The following CAPN2 variants were observed in gnomAD, a reference collection of about 807,000 sequenced individuals.
CAPN2 encodes calpain-2 catalytic subunit.
A neutral mutation model predicts 102.3 loss-of-function variants in CAPN2; 92 were observed. That is an observed-to-expected ratio of 0.90 (90% CI 0.76 to 1.07). The LOEUF (loss-of-function observed/expected upper bound fraction) is 1.07. CAPN2 is among the 50% of genes least tolerant of loss of function. The pLI is 0.00. For synonymous variants in CAPN2, 340 were observed against 355.4 expected, an observed-to-expected ratio of 0.96 and a Z score of 0.49; for missense variants, 800 against 909.4, an observed-to-expected ratio of 0.88 and a Z score of 1.55.
chr1:223,749,437 C>T (rs1660832481), intron 6 of CAPN2: 6 of 478,970 alleles, frequency 1.3e-5, no homozygotes, highest in Non-Finnish European at 2.2e-5. Context: ...AACAATGCAT[C>T]TTCATAGTGT....
At chr1:223,735,263 C>G (rs780484625) in intron 2 of CAPN2, among the ~76,000 whole-genome samples, 5 of 152,188 alleles carry the variant, frequency 3.3e-5, no homozygotes, top group Non-Finnish European at 7.4e-5. Context: ...CGCAGTGGCT[C>G]ATGCATGTAA....
chr1:223,712,053 G>A (rs1045700406), upstream of CAPN2, among the ~76,000 whole-genome samples: 2 of 152,226 alleles, frequency 1.3e-5, no homozygotes, highest in African/African-American at 4.8e-5. Flanking sequence ...GCGTCTCCGA[G>A]GCTCAGTTTT....
chr1:223,730,108 A>G (rs774958228), intron 2 of CAPN2, among the ~76,000 whole-genome samples: 1 of 148,860 alleles, frequency 6.7e-6, no homozygotes, highest in Non-Finnish European at 1.5e-5. Context: ...GGTTTTTATT[A>G]TGTAGATGAA....
intron 2 of CAPN2, among the ~76,000 whole-genome samples, chr1:223,721,723 A>G (rs1296195694): frequency 6.6e-6 from 1 of 152,216 alleles, no homozygotes; most frequent in African/African-American, 2.4e-5. Context: ...CCAATGGGAA[A>G]GGCAAGCCAG....
chr1:223,703,317 T>G (rs886432672), intron 1 of CAPN2, among the ~76,000 whole-genome samples: 8 of 152,134 alleles, frequency 5.3e-5, no homozygotes, highest in Non-Finnish European at 1.0e-4. Context: ...CATTTGATTT[T>G]TTTTTTTTTT....
Position 223,774,938 on chromosome 1 carries a change from T to G in CAPN2, c.*81T>G. ...AGCTTCCATAGAAATACACTTTGTA[T>G]CTGGACCTCAAAATTATGGGAACAT... On this transcript the variant is annotated 3_prime_UTR_variant, in exon 21 of 21. Coordinates refer to ENST00000295006, the MANE Select transcript of CAPN2 (RefSeq NM_001748.5). 2.6e-6 allele frequency: 3 copies of G among 1,168,202 alleles called. No individual in the cohort carries two copies. The highest frequency in any genetic ancestry group is 2.5e-6 in the Non-Finnish European group (2 of 790,256). The allele number at this position is 1,168,202 out of a possible 1,614,324, so 72.4% of individuals were successfully genotyped here. A position where few individuals can be genotyped will look rare whatever the true frequency, so the allele number is the denominator to read the frequency against.
chr1:223,769,347 C>T (rs1473639280), intron 16 of CAPN2, among the ~76,000 whole-genome samples: 2 of 152,142 alleles, frequency 1.3e-5, no homozygotes, highest in African/African-American at 4.8e-5. Flanking sequence ...TGTCGAATTC[C>T]TGACCACAGG....
Position 223,762,241 on chromosome 1 carries a change from T to A in CAPN2, c.1622T>A (p.Leu541Ter). ...DDGFRRLFAQ[L>*]AGEDAEISAF... ...GGATTCAGGAGACTGTTTGCCCAGT[T>A]GGCAGGAGAGGTAAATGTTCCCAAA... The change falls in exon 14 of 21, where the codon TTG becomes TAG. Residue 541 changes from leucine to a stop codon, truncating the protein, a stop_gained. Transcript: ENST00000295006. LOFTEE classifies it high-confidence loss of function. The A allele has an allele frequency of 6.2e-7, 1 of 1,613,650 alleles. No homozygotes were observed. Among genetic ancestry groups the A allele is most frequent in the Non-Finnish European group, 8.5e-7 (1 of 1,179,544 alleles).
At chr1:223,768,096 T>C (rs1318216685) in intron 16 of CAPN2, among the ~76,000 whole-genome samples, 2 of 151,982 alleles carry the variant, frequency 1.3e-5, no homozygotes, top group Non-Finnish European at 1.5e-5. Context: ...ATTAGCCCTT[T>C]GTCAGATAAG....
In CAPN2 at chr1:223,770,456, C is replaced by A; in HGVS notation, c.1834C>A (p.Arg612=). ...TKIQKYQKIY[R]EIDVDRSGTM... is the part of the protein sequence containing the mutation. ...AACTTATGTGTTCCAGAAAATTTACCGAGAAATCGACGTTGACAGGTCTGG... is the reference window on the plus strand; with the variant it reads ...AACTTATGTGTTCCAGAAAATTTACAGAGAAATCGACGTTGACAGGTCTGG... The change falls in exon 18 of 21, where the codon CGA becomes AGA. Residue 612 remains arginine, a synonymous_variant. Transcript: ENST00000295006. 1 of 1,612,812 alleles carries A rather than the reference C, an allele frequency of 6.2e-7. No individual in the cohort carries two copies. Among genetic ancestry groups the A allele is most frequent in the Non-Finnish European group, 8.5e-7 (1 of 1,179,276 alleles).
intron 2 of CAPN2, among the ~76,000 whole-genome samples, chr1:223,736,695 C>T (rs1188551205): frequency 6.6e-6 from 1 of 152,170 alleles, no homozygotes; most frequent in Non-Finnish European, 1.5e-5. Flanking sequence ...GTTCCCTTCC[C>T]CCTGGGTATT....
intron 11 of CAPN2, chr1:223,758,695 GTT>G (rs950827913): frequency 8.4e-5 from 12 of 142,818 alleles, no homozygotes; most frequent in Middle Eastern, 3.2e-3. Flanking sequence ...TTTGCTTTTT[GTT>G]TTTTTTTTTT....
In CAPN2 at chr1:223,775,552, GA is replaced by G. The variant is rs1414652118; in HGVS notation, c.*696del. The G allele has an allele frequency of 6.6e-6, 1 of 152,516 alleles. No homozygotes were observed. The highest frequency in any genetic ancestry group is 1.5e-5 in the Non-Finnish European group (1 of 68,040). 9.4% of individuals were successfully genotyped at this position (152,516 alleles called of 1,614,324 possible). On this transcript the variant is annotated 3_prime_UTR_variant, in exon 21 of 21. Transcript: ENST00000295006. ...CAAAGACCAAAGGGATCCTGCGCTT[GA>G]TCAACTGAACCAGTATGCCAAAACC...
chr1:223,760,888 A>G (rs1661167946), intron 12 of CAPN2, among the ~76,000 whole-genome samples: 1 of 152,212 alleles, frequency 6.6e-6, no homozygotes, highest in Non-Finnish European at 1.5e-5. Flanking sequence ...CCCTGCTGAT[A>G]GGACTCTTGG....
intron 2 of CAPN2, among the ~76,000 whole-genome samples, chr1:223,743,233 C>T (rs1047609424): frequency 1.3e-5 from 2 of 152,218 alleles, no homozygotes; most frequent in South Asian, 2.1e-4. Flanking sequence ...CTGCCCACCT[C>T]GTTGTGCCCA....
intron 1 of CAPN2, among the ~76,000 whole-genome samples, chr1:223,707,057 G>A (rs1482621089): frequency 2.7e-5 from 4 of 148,762 alleles, no homozygotes; most frequent in Non-Finnish European, 5.9e-5. Context: ...TCCAGCCTGG[G>A]TGACAGAGTG....
rs115953160 is a variant in CAPN2, at chr1:223,719,500, C to T, written c.307+1669C>T. Among the ~76,000 whole-genome samples, 238 of 152,230 alleles carry T rather than the reference C, an allele frequency of 1.6e-3. 1 individual carries two copies. The highest frequency in any genetic ancestry group is 5.6e-3 in the African/African-American group (232 of 41,528). ...GTTGCAGTGAGTAGAGATGGCACCA[C>T]TGCACTTCAGCCGGGGTGACAGAGA... On this transcript the variant is annotated intron_variant, in intron 2 of 20. Transcript: ENST00000295006.
At chr1:223,715,573 A>C (rs886842218) in intron 1 of CAPN2, among the ~76,000 whole-genome samples, 1 of 152,116 alleles carries the variant, frequency 6.6e-6, no homozygotes, top group Non-Finnish European at 1.5e-5. Flanking sequence ...AACACTGGCA[A>C]GAGTGGCTCC....
chr1:223,731,316 C>A lies in CAPN2; in HGVS notation c.308-12784C>A, dbSNP rs761020622. Among the ~76,000 whole-genome samples the A allele has an allele frequency of 1.3e-5, 2 of 152,102 alleles. No homozygotes were observed. The highest frequency in any genetic ancestry group is 2.9e-5 in the Non-Finnish European group (2 of 68,018). ...TCCTAAGCTGGCCCGGACATCCAAC[C>A]CAATCCGCCTAGCCCCAGCCCTCTC... On this transcript the variant is annotated intron_variant, in intron 2 of 20. Coordinates refer to ENST00000295006, the MANE Select transcript of CAPN2 (RefSeq NM_001748.5). The surrounding 1 kb of genome is among the most constrained non-coding windows in gnomAD (Gnocchi z 4.2).
Sources: gnomAD v4.1 joint callset for allele counts (sites outside exome capture counted in the v4.1 genomes callset) on GRCh38, gnomAD v4.1.1 for gene constraint, Gnocchi (gnomAD v3.1) non-coding constraint, MANE v1.5 for transcripts, NCBI Gene and HGNC (gene_info 2026-07-23, HGNC 2026-07-21) for gene names.